The following FGF13 variants were observed in gnomAD, a reference collection of about 807,000 sequenced individuals.
FGF13 encodes the protein fibroblast growth factor homologous factor 2.
A neutral mutation model predicts 19.5 loss-of-function variants in FGF13; 2 were observed. The ratio of observed to expected loss-of-function variants is 0.10; its 90% CI spans 0.04 to 0.32. FGF13 has a LOEUF of 0.32. FGF13 is among the 10% of genes least tolerant of loss of function. The pLI is 1.00. For missense variants in FGF13, 113 were observed against 192.7 expected, an observed-to-expected ratio of 0.59 and a Z score of 2.45; for synonymous variants, 72 against 76.9, an observed-to-expected ratio of 0.94 and a Z score of 0.33.
chrX:138,755,180 A>G (rs1490041574), intron 3 of FGF13, among the ~76,000 whole-genome samples: 1 of 112,040 alleles, frequency 8.9e-6, no homozygotes, highest in Non-Finnish European at 1.9e-5. Context: ...AAGTTTTATG[A>G]GGGCAGTAAT....
At chrX:138,976,286 C>A (rs7880778) in intron 1 of FGF13, among the ~76,000 whole-genome samples, 55,745 of 110,065 alleles carry the variant, frequency 0.51, 10,448 homozygotes, top group Middle Eastern at 0.59. Flanking sequence ...CAAAGACATA[C>A]AACAAACCTA....
intron 1 of FGF13, among the ~76,000 whole-genome samples, chrX:139,136,835 A>C (rs1684250279): frequency 8.9e-6 from 1 of 111,915 alleles, no homozygotes; most frequent in African/African-American, 3.3e-5. Flanking sequence ...AGAGGAAAGC[A>C]GGTGTTTGGT....
At chrX:138,933,679 TTTATG>T (rs1377551426) in intron 1 of FGF13, among the ~76,000 whole-genome samples, 16 of 73,921 alleles carry the variant, frequency 2.2e-4, no homozygotes, top group Admixed American at 8.2e-4. Flanking sequence ...CGAATTGGTC[TTTATG>T]CGAATTGGTC....
At chrX:138,986,391 G>A (rs1264712469) in intron 1 of FGF13, among the ~76,000 whole-genome samples, 1 of 111,480 alleles carries the variant, frequency 9.0e-6, no homozygotes, top group African/African-American at 3.3e-5. Flanking sequence ...CGAACAATGA[G>A]TGAATAGCAG....
intron 3 of FGF13, among the ~76,000 whole-genome samples, chrX:138,637,458 T>G (rs955511393): frequency 4.5e-5 from 5 of 112,231 alleles, no homozygotes; most frequent in African/African-American, 1.6e-4. Flanking sequence ...ATGCATATGA[T>G]CAAGGCAAAT....
At chrX:138,748,246 C>G (rs767908587) in intron 3 of FGF13, among the ~76,000 whole-genome samples, 1 of 111,144 alleles carries the variant, frequency 9.0e-6, no homozygotes, top group Non-Finnish European at 1.9e-5. Context: ...GAATTGCATC[C>G]CCCAAATGCA....
intron 3 of FGF13, among the ~76,000 whole-genome samples, chrX:138,670,138 C>T (rs2089596933): frequency 8.9e-6 from 1 of 111,931 alleles, no homozygotes; most frequent in South Asian, 3.7e-4. Flanking sequence ...ACAAATAGTC[C>T]TATCCGTTAA....
chrX:138,929,235 C>CTGTGTGTGTGTGTGTGTGTG (rs10622697), intron 1 of FGF13, among the ~76,000 whole-genome samples: 2 of 97,790 alleles, frequency 2.0e-5, no homozygotes, highest in Non-Finnish European at 4.1e-5. Context: ...GAGGAAAACT[C>CTGTGTGTGTGTGTGTGTGTG]TGTGTGTGTG....
At chrX:138,958,738 G>A (rs1378097349) in intron 1 of FGF13, among the ~76,000 whole-genome samples, 1 of 111,377 alleles carries the variant, frequency 9.0e-6, no homozygotes, top group Non-Finnish European at 1.9e-5. Flanking sequence ...CTTCTTCCTG[G>A]TTTAGTCTTG....
chrX:139,174,145 A>T (rs2084158362), intron 1 of FGF13, among the ~76,000 whole-genome samples: 1 of 112,535 alleles, frequency 8.9e-6, no homozygotes. Context: ...CATTTCTCCA[A>T]TGACCAGTGA....
rs1178111791 is a variant in FGF13, at chrX:138,671,771, C to T, written c.402+31213G>A. 6.1e-4 allele frequency among the ~76,000 whole-genome samples: 61 copies of T among 99,231 alleles called. 1 individual carries two copies. The highest frequency in any genetic ancestry group is 8.0e-5 in the Non-Finnish European group (4 of 49,914). 86.2% of individuals were successfully genotyped at this position (99,231 alleles called of 115,157 possible). On this transcript the variant is annotated intron_variant, in intron 3 of 4. Coordinates refer to ENST00000315930, the MANE Select transcript of FGF13 (RefSeq NM_004114.5). ...TTTTATTCAATAAATGTACATTTAA[C>T]ATATTTAACATGACTTGATTTATTT...
At position 138,617,400 on chromosome X, in the gene FGF13, T is replaced by C. The variant is rs1258159390; in HGVS notation, c.*15450A>G. 1 of 112,209 alleles carries C rather than the reference T, an allele frequency of 8.9e-6. No individual in the cohort carries two copies. Among genetic ancestry groups the C allele is most frequent in the Non-Finnish European group, 1.9e-5 (1 of 53,285 alleles). 9.2% of individuals were successfully genotyped at this position (112,209 alleles called of 1,213,427 possible). A position where few individuals can be genotyped will look rare whatever the true frequency, so the allele number is the denominator to read the frequency against. ...TTTCATAATGAAATGTTGGGGGAAA[T>C]ACTTGGAAGTGAATATAATCAACTA... On this transcript the variant is annotated 3_prime_UTR_variant, in exon 5 of 5. Transcript: ENST00000315930.
At chrX:138,810,147 G>A (rs939009807) in intron 3 of FGF13, among the ~76,000 whole-genome samples, 39 of 111,791 alleles carry the variant, frequency 3.5e-4, no homozygotes, top group African/African-American at 1.2e-3. Context: ...ACAATCCTAA[G>A]CCAAAAGAAC....
At chrX:138,665,561 C>T (rs766338833) in intron 3 of FGF13, among the ~76,000 whole-genome samples, 5 of 111,408 alleles carry the variant, frequency 4.5e-5, no homozygotes, top group Non-Finnish European at 9.4e-5. Flanking sequence ...AAGCGTCTAG[C>T]GTACTTTAGT....
intron 1 of FGF13, among the ~76,000 whole-genome samples, chrX:138,724,065 G>C (rs1185415399): frequency 8.9e-6 from 1 of 111,851 alleles, no homozygotes; most frequent in Non-Finnish European, 1.9e-5. Flanking sequence ...CCGACTCCTT[G>C]CATACCACTT....
rs150349812 is a variant in FGF13, at chrX:138,927,734, C to T, written c.-112-63084G>A. ...TGCCATGGTCTTTACCATGGAGAAG[C>T]GTTCCACCTACCAAGCTGATATAAA... On this transcript the variant is annotated intron_variant, in intron 1 of 2. Transcript: ENST00000421460. 1.6e-4 allele frequency among the ~76,000 whole-genome samples: 18 copies of T among 111,754 alleles called. No homozygotes were observed. In the East Asian group the frequency reaches 4.0e-3, roughly 25 times the overall value.
chrX:138,687,738 T>C lies in FGF13; in HGVS notation c.402+15246A>G, dbSNP rs765360527. ...AGCACTATTCACAATAGCCGTGATA[T>C]GGAATCAACCTAAGTGTCCATCAAC... is the stretch of plus-strand genomic sequence containing the variant. On this transcript the variant is annotated intron_variant, in intron 3 of 4. Transcript: ENST00000315930. 5.4e-5 allele frequency among the ~76,000 whole-genome samples: 6 copies of C among 112,006 alleles called. No homozygotes were observed. The South Asian group carries it at 2.3e-3, about 42-fold the overall frequency.
At chrX:138,911,570 G>T (rs2091588138) in intron 1 of FGF13, among the ~76,000 whole-genome samples, 1 of 110,441 alleles carries the variant, frequency 9.1e-6, no homozygotes, top group Non-Finnish European at 1.9e-5. Flanking sequence ...CACAACACAA[G>T]TTTACCTATA....
At chrX:138,907,313 T>C (rs1283956131) in intron 1 of FGF13, among the ~76,000 whole-genome samples, 1 of 111,804 alleles carries the variant, frequency 8.9e-6, no homozygotes, top group Non-Finnish European at 1.9e-5. Flanking sequence ...CTATCTCAAT[T>C]GCCCTTAGTC....
Sources: gnomAD v4.1 joint callset for allele counts (sites outside exome capture counted in the v4.1 genomes callset) on GRCh38, gnomAD v4.1.1 for gene constraint, MANE v1.5 for transcripts, NCBI Gene and HGNC (gene_info 2026-07-23, HGNC 2026-07-21) for gene names.